Variants in RAPGEF2 observed in about 807,000 individuals in gnomAD.
RAPGEF2 encodes the protein PDZ domain containing guanine nucleotide exchange factor (GEF) 1.
Under a neutral mutation model 186.7 loss-of-function variants are expected in RAPGEF2, and 54 were observed. That is an observed-to-expected ratio of 0.29 (90% CI 0.23 to 0.36). RAPGEF2 has a LOEUF of 0.36. Ranked by LOEUF, RAPGEF2 falls within the 10% of genes least tolerant of loss-of-function variation. RAPGEF2 has a pLI of 1.00. For synonymous variants in RAPGEF2, 712 were observed against 705.9 expected (o/e 1.01, Z -0.14); for missense variants, 1,532 against 2,045.0 (o/e 0.75, Z 4.84).
At chr4:159,164,008 G>T (rs1745000917) in intron 1 of RAPGEF2, among the ~76,000 whole-genome samples, 2 of 145,438 alleles carry the variant, frequency 1.4e-5, no homozygotes, top group African/African-American at 2.5e-5. Flanking sequence ...AGTACTGGTA[G>T]TTTTTTTTTT....
chr4:159,104,745 A>G (rs1737685888), intron 1 of RAPGEF2, among the ~76,000 whole-genome samples: 1 of 152,098 alleles, frequency 6.6e-6, no homozygotes, highest in African/African-American at 2.4e-5. Flanking sequence ...GGTGTTTGAA[A>G]GGTATAGGAG....
chr4:159,124,268 G>T (rs1012022708), intron 1 of RAPGEF2, among the ~76,000 whole-genome samples: 5 of 151,910 alleles, frequency 3.3e-5, no homozygotes, highest in Admixed American at 6.6e-5. Context: ...GGCCAGGTGT[G>T]GTGGCTCATG....
At position 159,138,248 on chromosome 4, in the gene RAPGEF2, A is replaced by G. The variant is rs538709474; in HGVS notation, c.69+34017A>G. On this transcript the variant is annotated intron_variant, in intron 1 of 29. Transcript: ENST00000691494. ...GACACACAAACACACACACATATGC[A>G]TATAAGATGGGTATCTATACCTAAA... is the stretch of plus-strand genomic sequence containing the variant. Among the ~76,000 whole-genome samples, 3 of 152,330 alleles carry G rather than the reference A, an allele frequency of 2.0e-5. No homozygotes were observed. In the East Asian group the frequency reaches 5.8e-4, roughly 29 times the overall value.
chr4:159,126,589 C>T (rs2111112908), intron 1 of RAPGEF2, among the ~76,000 whole-genome samples: 1 of 151,066 alleles, frequency 6.6e-6, no homozygotes, highest in South Asian at 2.1e-4. Context: ...TTAAGACTTT[C>T]TCAGAATTTT....
At chr4:159,125,772 AT>A (rs1351361323) in intron 1 of RAPGEF2, among the ~76,000 whole-genome samples, 32 of 148,888 alleles carry the variant, frequency 2.1e-4, no homozygotes, top group South Asian at 6.4e-4. Context: ...AAAAAAAAAA[AT>A]AATAATTCGC....
intron 1 of RAPGEF2, among the ~76,000 whole-genome samples, chr4:159,179,781 G>A (rs1275704244): frequency 6.6e-6 from 1 of 152,172 alleles, no homozygotes; most frequent in Non-Finnish European, 1.5e-5. Context: ...TTGTTTTGCA[G>A]TGGCCTTTCA....
chr4:159,323,126 G>T (rs1303393926), intron 10 of RAPGEF2, among the ~76,000 whole-genome samples: 1 of 152,106 alleles, frequency 6.6e-6, no homozygotes, highest in Non-Finnish European at 1.5e-5. Flanking sequence ...CAGACAAAAT[G>T]ATATTCTCAT....
In RAPGEF2 at chr4:159,353,512, C is replaced by A; in HGVS notation, c.4117C>A (p.Arg1373=). 6.7e-7 allele frequency: 1 copy of A among 1,499,892 alleles called. No homozygotes were observed. Among genetic ancestry groups the A allele is most frequent in the Non-Finnish European group, 8.9e-7 (1 of 1,126,456 alleles). 92.9% of individuals were successfully genotyped at this position (1,499,892 alleles called of 1,614,324 possible). Residue 1373 remains arginine (R), a synonymous_variant, in exon 28 of 30, where the codon CGA becomes AGA. Transcript: ENST00000691494. This position sits in a 1 kb window ranked among gnomAD's most constrained non-coding sequence, Gnocchi z 4.3. ...GTCCTATGCACCAATGTCCGAGGGC[C>A]GAGGCTTATATGCTACAGCTACAGT... ...LGSYAPMSEG[R]GLYATATVIS... is the part of the protein sequence containing the mutation.
chr4:159,205,483 A>G (rs1017222892), intron 3 of RAPGEF2, among the ~76,000 whole-genome samples: 2 of 152,188 alleles, frequency 1.3e-5, no homozygotes, highest in South Asian at 4.1e-4. Context: ...TAGCCTACTG[A>G]ACATCATTGC....
chr4:159,130,454 C>A (rs554056143), intron 1 of RAPGEF2, among the ~76,000 whole-genome samples: 19 of 152,298 alleles, frequency 1.2e-4, no homozygotes, highest in African/African-American at 4.3e-4. Flanking sequence ...GTGTTAAATT[C>A]TTGAGCTCAA....
rs115426050 is a variant in RAPGEF2 at position 159,189,085 on chromosome 4, T to C, written c.140+2373T>C. Among the ~76,000 whole-genome samples, 1,079 of 152,358 alleles carry C rather than the reference T, an allele frequency of 7.1e-3. 4 individuals carry two copies. The highest frequency in any genetic ancestry group is 0.014 in the Middle Eastern group (4 of 294). ...CTGGGAAAAATATATCTCCTTTAGA[T>C]AAATTATTTTCCTTTAATTTTATAC... On this transcript the variant is annotated intron_variant, in intron 2 of 29. Transcript: ENST00000691494.
chr4:159,242,233 C>G (rs559362301), intron 6 of RAPGEF2, among the ~76,000 whole-genome samples: 1 of 151,340 alleles, frequency 6.6e-6, no homozygotes, highest in South Asian at 2.1e-4. Context: ...ATCATTTATG[C>G]ATATAATACC....
At chr4:159,153,276 AAAG>A (rs1451798717) in intron 1 of RAPGEF2, among the ~76,000 whole-genome samples, 2 of 152,138 alleles carry the variant, frequency 1.3e-5, no homozygotes, top group Non-Finnish European at 2.9e-5. Context: ...GGAACTTTAA[AAAG>A]AAATCTTGCT....
intron 2 of RAPGEF2, among the ~76,000 whole-genome samples, chr4:159,187,639 T>C (rs1402893470): frequency 2.0e-5 from 3 of 152,202 alleles, no homozygotes; most frequent in African/African-American, 7.2e-5. Flanking sequence ...ATCTCATCAC[T>C]TCTGTTGTAC....
At chr4:159,309,063 C>G (rs1763641567) in intron 8 of RAPGEF2, among the ~76,000 whole-genome samples, 1 of 152,202 alleles carries the variant, frequency 6.6e-6, no homozygotes, top group South Asian at 2.1e-4. Context: ...AAGGATTTGA[C>G]TTCACCCAGG....
At chr4:159,203,387 A>G (rs1749647877) in intron 3 of RAPGEF2, among the ~76,000 whole-genome samples, 1 of 152,166 alleles carries the variant, frequency 6.6e-6, no homozygotes, top group Non-Finnish European at 1.5e-5. Flanking sequence ...GAGTTAGAGG[A>G]GTTTAAAAAC....
chr4:159,198,267 TTTCC>T (rs879745866), intron 3 of RAPGEF2, among the ~76,000 whole-genome samples: 21,831 of 100,814 alleles, frequency 0.22, 3,689 homozygotes, highest in African/African-American at 0.48. Context: ...TTTCTCTTTC[TTTCC>T]TTCTTTCTTT....
intron 25 of RAPGEF2, among the ~76,000 whole-genome samples, chr4:159,347,892 A>G (rs1730572402): frequency 6.6e-6 from 1 of 152,154 alleles, no homozygotes; most frequent in Non-Finnish European, 1.5e-5. Flanking sequence ...GTATATGTGA[A>G]TGAAACAGTT....
chr4:159,122,689 A>G (rs996009151), intron 1 of RAPGEF2, among the ~76,000 whole-genome samples: 1 of 152,172 alleles, frequency 6.6e-6, no homozygotes, highest in African/African-American at 2.4e-5. Flanking sequence ...TCATCTCTCA[A>G]TGAGGAGTTT....
Sources: allele counts gnomAD v4.1 joint callset (sites outside exome capture counted in the v4.1 genomes callset), GRCh38; gene constraint gnomAD v4.1.1; non-coding constraint Gnocchi (gnomAD v3.1); transcripts MANE v1.5; gene names NCBI Gene and HGNC (gene_info 2026-07-23, HGNC 2026-07-21).